USP48: variants seen among roughly 807,000 people sequenced by gnomAD.
The protein encoded by USP48 is ubiquitin specific peptidase 48, also known as ubiquitin carboxyl-terminal hydrolase 48.
Under a neutral mutation model 150.7 loss-of-function variants are expected in USP48, and 43 were observed. The observed-to-expected ratio is 0.29, with a 90% confidence interval of 0.22 to 0.37. The LOEUF (loss-of-function observed/expected upper bound fraction) is 0.37. USP48 is among the 10% of genes least tolerant of loss of function. USP48 has a pLI of 1.00. For missense variants in USP48, 813 were observed against 1,249.6 expected (o/e 0.65, Z 5.27); for synonymous variants, 396 against 425.9 (o/e 0.93, Z 0.86).
Position 21,703,741 on chromosome 1 carries a change from T to G in USP48, c.2516-123A>C, listed in dbSNP as rs190735879. The G allele has an allele frequency of 7.4e-6, 6 of 805,880 alleles. No individual in the cohort carries two copies. The African/African-American group carries it at 1.0e-4, about 14-fold the overall frequency. The allele number at this position is 805,880 out of a possible 1,614,324, so 49.9% of individuals were successfully genotyped here. On this transcript the variant is annotated intron_variant, in intron 20 of 26. Transcript: ENST00000308271. The stretch of plus-strand genomic sequence containing the variant: ...ATTCATTAAACTCTTAGTAACATTT[T>G]CTTTTTTTGAGACAAGGTTTTGCTG...
At chr1:21,714,437 T>C (rs2097698810) in intron 15 of USP48, among the ~76,000 whole-genome samples, 1 of 152,152 alleles carries the variant, frequency 6.6e-6, no homozygotes, top group South Asian at 2.1e-4. Flanking sequence ...ACCCACTTAA[T>C]ATTTTTTTAG....
intron 8 of USP48, among the ~76,000 whole-genome samples, chr1:21,742,940 C>T (rs549229191): frequency 6.6e-6 from 1 of 152,270 alleles, no homozygotes. Context: ...GAGAGATCAG[C>T]CTGAACAATA....
intron 3 of USP48, among the ~76,000 whole-genome samples, chr1:21,754,611 C>T (rs2097826716): frequency 6.6e-6 from 1 of 152,194 alleles, no homozygotes; most frequent in East Asian, 1.9e-4. Flanking sequence ...CAGTGAAGGG[C>T]ACTGCAGGGT....
Position 21,695,113 on chromosome 1 carries a change from C to G in USP48, c.2836G>C (p.Ala946Pro). 6.2e-7 allele frequency: 1 copy of G among 1,613,566 alleles called. No individual in the cohort carries two copies. The highest frequency in any genetic ancestry group is 8.5e-7 in the Non-Finnish European group (1 of 1,179,844). ...GTCTGATTAGCAGAAACGAGAAGTGCTTTCTCACCACGAACTTTTCTATGT... is the reference window on the plus strand; with the variant it reads ...GTCTGATTAGCAGAAACGAGAAGTGGTTTCTCACCACGAACTTTTCTATGT... Reference protein sequence around the residue: ...MRHRKVRGEKALLVSANQTLK... With the variant: ...MRHRKVRGEKPLLVSANQTLK... The change falls in exon 23 of 27, where the codon GCA becomes CCA. Residue 946 changes from alanine (A) to proline (P), a missense_variant. Coordinates refer to ENST00000308271, the MANE Select transcript of USP48 (RefSeq NM_032236.8).
intron 23 of USP48, among the ~76,000 whole-genome samples, chr1:21,691,316 C>CAAAAAA (rs58202473): frequency 1.2e-5 from 1 of 83,608 alleles, no homozygotes; most frequent in Non-Finnish European, 2.5e-5. Flanking sequence ...CTCCCATCTC[C>CAAAAAA]AAAAAAAAAA....
At chr1:21,706,615 G>C in intron 16 of USP48, 26 bp from the exon 17 acceptor site, 1 of 1,613,986 alleles carries the variant, frequency 6.2e-7, no homozygotes, top group Non-Finnish European at 8.5e-7. Context: ...GCAATCAACT[G>C]TCTCCTGCTG....
At chr1:21,716,916 T>G (rs546152628) in intron 14 of USP48, among the ~76,000 whole-genome samples, 1 of 152,156 alleles carries the variant, frequency 6.6e-6, no homozygotes, top group South Asian at 2.1e-4. Context: ...TAGTCCCAGC[T>G]ACTCAGGAGG....
chr1:21,744,097 C>A, intron 8 of USP48, among the ~76,000 whole-genome samples: 1 of 152,140 alleles, frequency 6.6e-6, no homozygotes, highest in Non-Finnish European at 1.5e-5. Flanking sequence ...GTTGACATTA[C>A]CATTCTTGCA....
At chr1:21,770,639 C>T (rs1467254225) in intron 1 of USP48, among the ~76,000 whole-genome samples, 1 of 151,528 alleles carries the variant, frequency 6.6e-6, no homozygotes, top group Non-Finnish European at 1.5e-5. Context: ...CACCACCATG[C>T]TCGGCTAATT....
intron 8 of USP48, among the ~76,000 whole-genome samples, chr1:21,738,529 T>C (rs2097773885): frequency 6.6e-6 from 1 of 151,748 alleles, no homozygotes; most frequent in Non-Finnish European, 1.5e-5. Flanking sequence ...GCTAAGTTTT[T>C]GTATTTTTAG....
chr1:21,692,064 A>G (rs1043647726), intron 23 of USP48, among the ~76,000 whole-genome samples: 1 of 152,132 alleles, frequency 6.6e-6, no homozygotes, highest in Non-Finnish European at 1.5e-5. Flanking sequence ...GGGGACCAGA[A>G]AAGTGATTTT....
intron 22 of USP48, among the ~76,000 whole-genome samples, chr1:21,697,933 T>G (rs1401381658): frequency 6.6e-6 from 1 of 152,104 alleles, no homozygotes; most frequent in Non-Finnish European, 1.5e-5. Flanking sequence ...CCCACTGGTT[T>G]TAGAAGGCTT....
intron 15 of USP48, among the ~76,000 whole-genome samples, chr1:21,714,488 C>G (rs759230732): frequency 7.9e-5 from 12 of 152,088 alleles, no homozygotes; most frequent in Non-Finnish European, 1.6e-4. Context: ...GTCTCAAAAT[C>G]ATGGGCTCAA....
intron 2 of USP48, among the ~76,000 whole-genome samples, chr1:21,757,243 G>A (rs1450775885): frequency 1.3e-5 from 2 of 151,980 alleles, no homozygotes; most frequent in East Asian, 3.9e-4. Flanking sequence ...TTTCGTGAAT[G>A]CTAAGATTTA....
At chr1:21,694,941 T>C (rs1279800350) in intron 23 of USP48, 125 bp downstream of exon 23, 5 of 1,114,826 alleles carry the variant, frequency 4.5e-6, no homozygotes, top group Non-Finnish European at 6.0e-6. Context: ...TTTGGCTATT[T>C]TGAAAACTTT....
At chr1:21,692,521 T>C (rs2097605311) in intron 23 of USP48, among the ~76,000 whole-genome samples, 1 of 152,194 alleles carries the variant, frequency 6.6e-6, no homozygotes, top group South Asian at 2.1e-4. Context: ...CAAATACCTC[T>C]AGACACAAGT....
intron 3 of USP48, among the ~76,000 whole-genome samples, chr1:21,755,932 G>A (rs1190450548): frequency 4.6e-5 from 7 of 152,124 alleles, no homozygotes; most frequent in African/African-American, 9.7e-5. Flanking sequence ...CTGGGAAGCC[G>A]AGGCGGGTGG....
intron 1 of USP48, among the ~76,000 whole-genome samples, chr1:21,774,627 C>T (rs551964229): frequency 6.6e-6 from 1 of 151,924 alleles, no homozygotes; most frequent in South Asian, 2.1e-4. Context: ...GCAGAGGTTG[C>T]AGTGAGACGA....
In USP48 at chr1:21,701,589, G is replaced by C; in HGVS notation, c.2636C>G (p.Ser879Trp). ...ACTACTCACATTCAGTTCCGGAGCC[G>C]AATCCTTCATCACCTGAATGTGCCA... ...VVDNKKVMKD[S>W]APELNVSSSE... The change falls in exon 22 of 27, where the codon TCG (serine) becomes TGG (tryptophan). Residue 879 changes from serine (S) to tryptophan (W), a missense_variant. By Grantham distance (177) the Ser-to-Trp change is radical. Transcript: ENST00000308271. 6.2e-7 allele frequency: 1 copy of C among 1,613,530 alleles called. No individual in the cohort carries two copies. Among genetic ancestry groups the C allele is most frequent in the Non-Finnish European group, 8.5e-7 (1 of 1,179,658 alleles).
Sources: allele counts gnomAD v4.1 joint callset (sites outside exome capture counted in the v4.1 genomes callset), GRCh38; gene constraint gnomAD v4.1.1; transcripts MANE v1.5; gene names NCBI Gene and HGNC (gene_info 2026-07-23, HGNC 2026-07-21).